RSPO4: variants seen among roughly 807,000 people sequenced by gnomAD.
RSPO4 encodes R-spondin-4.
In RSPO4, 23 loss-of-function variants were observed where a neutral mutation model predicts 24.8. The ratio of observed to expected loss-of-function variants is 0.93; its 90% CI spans 0.67 to 1.31. The LOEUF is 1.31. Ranked by LOEUF, RSPO4 falls within the 40% of genes most tolerant of loss-of-function variation. The pLI, the probability that RSPO4 is intolerant of heterozygous loss-of-function variation, is 0.00. For missense variants in RSPO4, 333 were observed against 316.5 expected (o/e 1.05, Z -0.39); for synonymous variants, 141 against 127.4 (o/e 1.11, Z -0.72).
intron 1 of RSPO4, among the ~76,000 whole-genome samples, chr20:982,513 G>A (rs1292385794): frequency 1.3e-5 from 2 of 152,194 alleles, no homozygotes; most frequent in South Asian, 4.1e-4. Flanking sequence ...GTTGCTGACA[G>A]GCACTGTGCT....
chr20:989,045 A>C (rs1985010551), intron 1 of RSPO4, among the ~76,000 whole-genome samples: 1 of 152,122 alleles, frequency 6.6e-6, no homozygotes, highest in Admixed American at 6.5e-5. Context: ...TCTAGTTGCT[A>C]TTTTAAGCAG....
At chr20:975,922 T>A (rs1984548936) in intron 1 of RSPO4, among the ~76,000 whole-genome samples, 1 of 152,188 alleles carries the variant, frequency 6.6e-6, no homozygotes, top group Non-Finnish European at 1.5e-5. Flanking sequence ...TCAGACCACC[T>A]GCAGCAGGCA....
chr20:998,620 T>C (rs540389857), intron 1 of RSPO4, among the ~76,000 whole-genome samples: 32 of 152,112 alleles, frequency 2.1e-4, no homozygotes, highest in Admixed American at 2.0e-3. Context: ...CTCGGGATTG[T>C]GCAGACCTGG....
In RSPO4 at chr20:967,255, G is replaced by T; in HGVS notation, c.328C>A (p.Gln110Lys). ...CACTTCCCCTTGTACAAGTAAAACT[G>T]CCTCTTGCACCGGATGCAGAAGTCC... ...SQDFCIRCKRQFYLYKGKCLP... is the reference protein window; with the variant it reads ...SQDFCIRCKRKFYLYKGKCLP... The change falls in exon 3 of 5, where the codon CAG (glutamine) becomes AAG (lysine). Residue 110 changes from glutamine (Q) to lysine (K), a missense_variant. Transcript: ENST00000217260. 1.2e-6 allele frequency: 2 copies of T among 1,614,224 alleles called. No homozygotes were observed. Among genetic ancestry groups the T allele is most frequent in the Non-Finnish European group, 1.7e-6 (2 of 1,180,030 alleles).
At chr20:989,248 A>G (rs1985017529) in intron 1 of RSPO4, among the ~76,000 whole-genome samples, 1 of 152,118 alleles carries the variant, frequency 6.6e-6, no homozygotes, top group Non-Finnish European at 1.5e-5. Flanking sequence ...GGGAGGCAGC[A>G]CCAGGCAGCA....
chr20:961,300 C>T (rs1326503846), intron 4 of RSPO4, among the ~76,000 whole-genome samples: 1 of 152,218 alleles, frequency 6.6e-6, no homozygotes, highest in African/African-American at 2.4e-5. Context: ...GGGCCCCATT[C>T]AGTTCCCCGC....
At chr20:983,288 T>C (rs182217746) in intron 1 of RSPO4, among the ~76,000 whole-genome samples, 3 of 151,962 alleles carry the variant, frequency 2.0e-5, no homozygotes, top group African/African-American at 7.3e-5. Flanking sequence ...GAGTTGGGAA[T>C]GCAGTTTCCT....
intron 1 of RSPO4, among the ~76,000 whole-genome samples, chr20:989,893 C>T (rs1206746691): frequency 6.6e-6 from 1 of 152,158 alleles, no homozygotes; most frequent in Non-Finnish European, 1.5e-5. Context: ...ACCAGAACTG[C>T]AAAAAACAGA....
rs192502355 is a variant in RSPO4, at chr20:981,040, C to T, written c.80-12902G>A. Among the ~76,000 whole-genome samples, 8 of 152,226 alleles carry T rather than the reference C, an allele frequency of 5.3e-5. No homozygotes were observed. The East Asian group carries it at 7.7e-4, about 15-fold the overall frequency. ...CGAGAACTCACTTTAAGAAGCGAGG[C>T]GGGAGATGCTGTTATCATTCCTCAT... On this transcript the variant is annotated intron_variant, in intron 1 of 4. Transcript: ENST00000217260. The surrounding 1 kb of genome is among the most constrained non-coding windows in gnomAD (Gnocchi z 4.6).
chr20:978,482 C>A (rs1369881299), intron 1 of RSPO4, among the ~76,000 whole-genome samples: 1 of 152,206 alleles, frequency 6.6e-6, no homozygotes, highest in African/African-American at 2.4e-5. Context: ...TAGGTGCCCA[C>A]TGACTACCCA....
intron 1 of RSPO4, among the ~76,000 whole-genome samples, chr20:974,827 G>C (rs2122229131): frequency 6.6e-6 from 1 of 152,354 alleles, no homozygotes; most frequent in East Asian, 1.9e-4. Flanking sequence ...ATCTGTGCAT[G>C]TGGATCCACC....
intron 1 of RSPO4, among the ~76,000 whole-genome samples, chr20:973,762 G>T (rs1984481752): frequency 6.6e-6 from 1 of 152,120 alleles, no homozygotes; most frequent in African/African-American, 2.4e-5. Context: ...CCCCTCCCAG[G>T]CCTCATAGAG....
intron 3 of RSPO4, 127 bp from the exon 4 acceptor site, chr20:964,247 G>T (rs1478794809): frequency 4.4e-6 from 3 of 683,594 alleles, no homozygotes; most frequent in Admixed American, 2.9e-5. Flanking sequence ...ACTTCCACCT[G>T]CTAGGAGCAG....
rs78672047 is a variant in RSPO4, at chr20:963,905, G to A, written c.595+30C>T. On this transcript the variant is annotated intron_variant, in intron 4 of 4. Coordinates refer to ENST00000217260, the MANE Select transcript of RSPO4 (RefSeq NM_001029871.4). ...CCTGTCCCTGTGGGCCTTTCCCACC[G>A]CAGCCTCGTGTGCCTGTCCTGGGGC... 1.4e-3 allele frequency: 2,306 copies of A among 1,609,396 alleles called. 1 individual carries two copies. Among genetic ancestry groups the A allele is most frequent in the Non-Finnish European group, 1.8e-3 (2,124 of 1,177,286 alleles).
intron 1 of RSPO4, among the ~76,000 whole-genome samples, chr20:973,946 C>A (rs368579246): frequency 3.3e-5 from 5 of 152,124 alleles, no homozygotes; most frequent in Non-Finnish European, 7.3e-5. Context: ...TTTTGACTTC[C>A]GGTAGCCTGT....
chr20:998,730 G>A (rs1045110390), intron 1 of RSPO4, among the ~76,000 whole-genome samples: 1 of 152,160 alleles, frequency 6.6e-6, no homozygotes, highest in Non-Finnish European at 1.5e-5. Flanking sequence ...CAGGCCCAGG[G>A]CTGCTCACCT....
At chr20:987,456 C>A (rs1984956320) in intron 1 of RSPO4, among the ~76,000 whole-genome samples, 1 of 152,240 alleles carries the variant, frequency 6.6e-6, no homozygotes, top group Admixed American at 6.5e-5. Flanking sequence ...CCTTTACTCC[C>A]TGGGACAGTT....
At chr20:966,015 G>A (rs1984183598) in intron 3 of RSPO4, among the ~76,000 whole-genome samples, 1 of 152,200 alleles carries the variant, frequency 6.6e-6, no homozygotes, top group South Asian at 2.1e-4. Context: ...CCAGGGATCA[G>A]GGAGCTGGTT....
chr20:1,002,076 C>A lies in RSPO4; in HGVS notation c.79+10G>T. 1 of 1,551,700 alleles carries A rather than the reference C, an allele frequency of 6.4e-7. No individual in the cohort carries two copies. ...CCTGCCCGGCCGCCCTGCCCAGCCA[C>A]CCCTTGTACCTTGCTTCTTCCTTCG... On this transcript the variant is annotated intron_variant, in intron 1 of 4. Transcript: ENST00000217260. The surrounding 1 kb of genome is among the most constrained non-coding windows in gnomAD (Gnocchi z 4.6).
Sources: gnomAD v4.1 joint callset for allele counts (sites outside exome capture counted in the v4.1 genomes callset) on GRCh38, gnomAD v4.1.1 for gene constraint, Gnocchi (gnomAD v3.1) non-coding constraint, MANE v1.5 for transcripts, NCBI Gene and HGNC (gene_info 2026-07-23, HGNC 2026-07-21) for gene names.